The following EPG5 variants were observed in gnomAD, a reference collection of about 807,000 sequenced individuals.
The protein encoded by EPG5 is ectopic P granules protein 5 homolog.
A neutral mutation model predicts 302.7 loss-of-function variants in EPG5; 159 were observed. That is an observed-to-expected ratio of 0.53 (90% CI 0.46 to 0.60). The LOEUF (loss-of-function observed/expected upper bound fraction) is 0.60, where lower values mean the gene tolerates loss of function less well. EPG5 is among the 20% of genes least tolerant of loss of function. The pLI is 0.00. For synonymous variants in EPG5, 1,158 were observed against 1,136.8 expected, an observed-to-expected ratio of 1.02 and a Z score of -0.37; for missense variants, 2,896 against 3,092.4, an observed-to-expected ratio of 0.94 and a Z score of 1.51.
chr18:45,874,606 A>G (rs1450997797), intron 35 of EPG5, among the ~76,000 whole-genome samples: 1 of 152,126 alleles, frequency 6.6e-6, no homozygotes, highest in East Asian at 1.9e-4. Context: ...TTATCAAACC[A>G]CCAGATCTCA....
At chr18:45,813,742 A>C in the EPG5 span, among the ~76,000 whole-genome samples, 2 of 149,308 alleles carry the variant, frequency 1.3e-5, no homozygotes, top group Admixed American at 6.7e-5. Flanking sequence ...AGGAAGGGGA[A>C]CATCACACAC....
chr18:45,846,456 G>T (rs1457712309), downstream of EPG5, among the ~76,000 whole-genome samples: 1 of 143,230 alleles, frequency 7.0e-6, no homozygotes. Context: ...AGGAGGTGAA[G>T]GTTGCAGTGG....
At chr18:45,897,446 T>C (rs574366897) in intron 27 of EPG5, among the ~76,000 whole-genome samples, 3 of 152,354 alleles carry the variant, frequency 2.0e-5, no homozygotes, top group Non-Finnish European at 2.9e-5. Context: ...TTTCAGTTTT[T>C]TCCTCACTAA....
the EPG5 span, among the ~76,000 whole-genome samples, chr18:45,827,835 T>C: frequency 0.019 from 2,859 of 152,294 alleles, 101 homozygotes; most frequent in African/African-American, 0.065. Context: ...TCAGCTGCTA[T>C]GAATCAGCAA....
chr18:45,963,061 G>A (rs1456267946), intron 1 of EPG5, among the ~76,000 whole-genome samples: 4 of 151,988 alleles, frequency 2.6e-5, no homozygotes, highest in African/African-American at 4.8e-5. Flanking sequence ...ATCATTCGAC[G>A]AACATTATCA....
At chr18:45,805,737 G>C in the EPG5 span, among the ~76,000 whole-genome samples, 1 of 152,088 alleles carries the variant, frequency 6.6e-6, no homozygotes. Flanking sequence ...CAACACAGAA[G>C]TATTACCAAA....
intron 7 of EPG5, 136 bp downstream of exon 7, chr18:45,946,527 G>A: frequency 1.6e-6 from 1 of 644,130 alleles, no homozygotes; most frequent in Middle Eastern, 4.3e-4. Context: ...TATAAAATAG[G>A]AATCATAAGT....
intron 1 of EPG5, among the ~76,000 whole-genome samples, chr18:45,962,922 G>C (rs1259429366): frequency 6.6e-6 from 1 of 152,190 alleles, no homozygotes; most frequent in Non-Finnish European, 1.5e-5. Flanking sequence ...GATTGACAAA[G>C]ATAGGGGCCT....
intron 24 of EPG5, among the ~76,000 whole-genome samples, chr18:45,906,555 T>C (rs931156965): frequency 6.6e-6 from 1 of 152,124 alleles, no homozygotes; most frequent in African/African-American, 2.4e-5. Flanking sequence ...CTCCCATTTG[T>C]CCTTCATGGC....
rs2048830223 is a variant in EPG5 at position 45,869,737 on chromosome 18, C to T, written c.6225+830G>A. Among the ~76,000 whole-genome samples, 3 of 152,150 alleles carry T rather than the reference C, an allele frequency of 2.0e-5. 1 individual carries two copies. The South Asian group carries it at 6.2e-4, about 32-fold the overall frequency. On this transcript the variant is annotated intron_variant, in intron 36 of 43. Coordinates refer to ENST00000282041, the MANE Select transcript of EPG5 (RefSeq NM_020964.3). ...TACTGAGTGGCTGACAAGAGCAGCACAGATGGGGTTCCATTAAGGGCACTA... is the reference window on the plus strand; with the variant it reads ...TACTGAGTGGCTGACAAGAGCAGCATAGATGGGGTTCCATTAAGGGCACTA...
intron 25 of EPG5, among the ~76,000 whole-genome samples, chr18:45,902,284 ATAGT>A (rs1256271197): frequency 1.3e-5 from 2 of 152,228 alleles, no homozygotes; most frequent in African/African-American, 4.8e-5. Context: ...ACTATCCCTT[ATAGT>A]TAGTGTTTTT....
At chr18:45,915,234 C>T (rs771285775) in intron 20 of EPG5, among the ~76,000 whole-genome samples, 19 of 150,656 alleles carry the variant, frequency 1.3e-4, no homozygotes, top group South Asian at 4.2e-4. Context: ...GCTGAGATCG[C>T]GCCATTGCAC....
intron 27 of EPG5, among the ~76,000 whole-genome samples, chr18:45,897,932 C>T (rs780284366): frequency 3.7e-4 from 57 of 152,082 alleles, no homozygotes; most frequent in Admixed American, 7.2e-4. Context: ...TCTCCAATTT[C>T]CAAAAGCTAA....
chr18:45,952,257 T>C (rs1378357357), intron 3 of EPG5, 143 bp downstream of exon 3: 8 of 934,212 alleles, frequency 8.6e-6, no homozygotes, highest in South Asian at 3.4e-5. Context: ...ATCTCAATCC[T>C]ACAGTGGGGG....
chr18:45,844,636 T>A (rs903560303), downstream of EPG5, among the ~76,000 whole-genome samples: 1 of 152,134 alleles, frequency 6.6e-6, no homozygotes, highest in East Asian at 1.9e-4. Flanking sequence ...CACAAGTTAT[T>A]ATGCAGGCCA....
intron 5 of EPG5, 22 bp from the exon 6 acceptor site, chr18:45,948,598 G>T (rs758656008): frequency 1.9e-6 from 3 of 1,591,440 alleles, no homozygotes; most frequent in South Asian, 1.1e-5. Context: ...AAAGCAAAAA[G>T]CATACTGTAG....
chr18:45,907,687 C>G (rs773616820), intron 24 of EPG5, among the ~76,000 whole-genome samples: 1 of 151,940 alleles, frequency 6.6e-6, no homozygotes, highest in Non-Finnish European at 1.5e-5. Context: ...AAAAAATATA[C>G]AGTCAGAGGA....
intron 3 of EPG5, among the ~76,000 whole-genome samples, chr18:45,951,478 G>A (rs1213406289): frequency 3.4e-5 from 4 of 119,312 alleles, no homozygotes; most frequent in Non-Finnish European, 7.0e-5. Context: ...TTTTTTTTTT[G>A]ACACAGCCTC....
the EPG5 span, among the ~76,000 whole-genome samples, chr18:45,805,322 T>C: frequency 6.6e-6 from 1 of 151,966 alleles, no homozygotes; most frequent in African/African-American, 2.4e-5. Flanking sequence ...TGTAAGATGT[T>C]AACTTCAGCA....
Sources: allele counts gnomAD v4.1 joint callset (sites outside exome capture counted in the v4.1 genomes callset), GRCh38; gene constraint gnomAD v4.1.1; transcripts MANE v1.5; gene names NCBI Gene and HGNC (gene_info 2026-07-23, HGNC 2026-07-21).